STXBP5L: variants seen among roughly 807,000 people sequenced by gnomAD.
The protein encoded by STXBP5L is syntaxin binding protein 5L, also known as syntaxin-binding protein 5-like.
In STXBP5L, 65 loss-of-function variants were observed where a neutral mutation model predicts 144.5. The ratio of observed to expected loss-of-function variants is 0.45; its 90% CI spans 0.37 to 0.55. The LOEUF is 0.55. STXBP5L is among the 20% of genes least tolerant of loss of function. STXBP5L has a pLI of 0.00. For synonymous variants in STXBP5L, 505 were observed against 469.6 expected (o/e 1.08, Z -0.97); for missense variants, 1,298 against 1,405.5 (o/e 0.92, Z 1.22).
intron 7 of STXBP5L, among the ~76,000 whole-genome samples, chr3:121,146,123 A>T (rs9858962): frequency 0.099 from 15,063 of 151,972 alleles, 1,173 homozygotes; most frequent in Admixed American, 0.2. Context: ...TTTCCTACTT[A>T]GTCAGCTTAT....
chr3:121,206,021 G>GGAAA lies in STXBP5L; in HGVS notation c.956+23_956+26dup, dbSNP rs1391541308. 7.1e-7 allele frequency: 1 copy of GGAAA among 1,406,142 alleles called. No individual in the cohort carries two copies. The highest frequency in any genetic ancestry group is 1.5e-5 in the African/African-American group (1 of 67,044). The allele number at this position is 1,406,142 out of a possible 1,614,324, so 87.1% of individuals were successfully genotyped here. A position where few individuals can be genotyped will look rare whatever the true frequency, so the allele number is the denominator to read the frequency against. On this transcript the variant is annotated intron_variant, in intron 10 of 26. Transcript: ENST00000471454. ...AAACAGGTATGCATTTTTACTTTAG[G>GGAAA]GAAAGAGGGATACGAAGCAGAGACA...
chr3:121,388,188 GCTCTCTGTTTGT>G (rs2046477858), intron 22 of STXBP5L, among the ~76,000 whole-genome samples: 1 of 151,892 alleles, frequency 6.6e-6, no homozygotes. Flanking sequence ...TCATGATTTG[GCTCTCTGTTTGT>G]CTGTTATTGC....
At chr3:121,141,274 A>G (rs1011598502) in intron 7 of STXBP5L, among the ~76,000 whole-genome samples, 1 of 152,052 alleles carries the variant, frequency 6.6e-6, no homozygotes, top group African/African-American at 2.4e-5. Context: ...GTGGTTGCAC[A>G]TGCCTGTAAT....
intron 3 of STXBP5L, among the ~76,000 whole-genome samples, chr3:121,010,116 T>C (rs148134010): frequency 6.6e-6 from 1 of 152,062 alleles, no homozygotes; most frequent in Non-Finnish European, 1.5e-5. Flanking sequence ...AACTCAGACC[T>C]ATTAATTAAT....
intron 7 of STXBP5L, among the ~76,000 whole-genome samples, chr3:121,133,566 T>C (rs546710062): frequency 6.6e-6 from 1 of 152,266 alleles, no homozygotes; most frequent in Admixed American, 6.5e-5. Flanking sequence ...AGATAAAACC[T>C]TTCCCAGACA....
At chr3:120,980,085 AAAT>A (rs1941589492) in intron 3 of STXBP5L, among the ~76,000 whole-genome samples, 2 of 152,262 alleles carry the variant, frequency 1.3e-5, no homozygotes, top group Admixed American at 6.5e-5. Flanking sequence ...AGTCTGAAAA[AAAT>A]ACTTGATTTC....
Position 121,257,150 on chromosome 3 carries a change from A to AT in STXBP5L, c.1660-4dup, listed in dbSNP as rs150144558. ...GTGACTTAAATTAAATTTAAACTTG[A>AT]TTTTTTTAAGTCATTAGAGGTACGA... On this transcript the variant is annotated splice_polypyrimidine_tract_variant and intron_variant, in intron 16 of 26. Transcript: ENST00000471454. The AT allele has an allele frequency of 0.047, 74,410 of 1,572,602 alleles. 2,084 individuals carry two copies. Among genetic ancestry groups the AT allele is most frequent in the Middle Eastern group, 0.071 (414 of 5,858 alleles).
chr3:121,380,612 C>G (rs1323247048), intron 21 of STXBP5L, among the ~76,000 whole-genome samples: 1 of 151,510 alleles, frequency 6.6e-6, no homozygotes, highest in Non-Finnish European at 1.5e-5. Flanking sequence ...TTTAAGTGAG[C>G]TGAAGCACTC....
intron 2 of STXBP5L, among the ~76,000 whole-genome samples, chr3:120,954,297 A>G (rs1004661139): frequency 6.6e-6 from 1 of 152,264 alleles, no homozygotes; most frequent in East Asian, 1.9e-4. Flanking sequence ...ACTAATGTAT[A>G]TGCTTGTGTA....
chr3:121,324,896 T>C (rs2108544880), intron 20 of STXBP5L, among the ~76,000 whole-genome samples: 1 of 152,156 alleles, frequency 6.6e-6, no homozygotes, highest in Non-Finnish European at 1.5e-5. Context: ...GGGTCGCGGG[T>C]ACGGTCAATA....
chr3:120,973,198 C>G (rs1339880290), intron 3 of STXBP5L, among the ~76,000 whole-genome samples: 1 of 151,982 alleles, frequency 6.6e-6, no homozygotes, highest in Non-Finnish European at 1.5e-5. Context: ...TTGTCTGGTC[C>G]TAGGCTTTTA....
At chr3:121,175,481 T>C (rs1453962317) in intron 9 of STXBP5L, among the ~76,000 whole-genome samples, 1 of 152,122 alleles carries the variant, frequency 6.6e-6, no homozygotes, top group East Asian at 1.9e-4. Context: ...ACACACACAG[T>C]CTCAAGAGGC....
chr3:121,223,223 A>AT, intron 11 of STXBP5L, 66 bp downstream of exon 11: 1 of 1,488,756 alleles, frequency 6.7e-7, no homozygotes, highest in Non-Finnish European at 9.0e-7. Context: ...TTCTAACAAA[A>AT]TTAAGGTTAA....
At chr3:121,139,886 C>T (rs1277560552) in intron 7 of STXBP5L, among the ~76,000 whole-genome samples, 4 of 151,898 alleles carry the variant, frequency 2.6e-5, no homozygotes, top group Non-Finnish European at 5.9e-5. Flanking sequence ...AAAAGACCAC[C>T]TACAGAATGA....
intron 5 of STXBP5L, among the ~76,000 whole-genome samples, chr3:121,106,296 T>G (rs949483812): frequency 3.9e-5 from 6 of 152,222 alleles, no homozygotes; most frequent in Non-Finnish European, 8.8e-5. Context: ...CATCCAGGTT[T>G]GTTAACATAT....
intron 2 of STXBP5L, among the ~76,000 whole-genome samples, chr3:120,916,748 G>A (rs1709121919): frequency 6.6e-6 from 1 of 152,114 alleles, no homozygotes; most frequent in African/African-American, 2.4e-5. Context: ...AGAAAGTAAA[G>A]ATTGGAATTG....
chr3:121,176,244 C>CA (rs948475808), intron 9 of STXBP5L, among the ~76,000 whole-genome samples: 1 of 151,784 alleles, frequency 6.6e-6, no homozygotes, highest in African/African-American at 2.4e-5. Context: ...TAGCAGAATG[C>CA]ACACCATTTT....
intron 3 of STXBP5L, among the ~76,000 whole-genome samples, chr3:120,976,777 T>C (rs961015973): frequency 2.4e-4 from 37 of 152,198 alleles, no homozygotes; most frequent in African/African-American, 8.9e-4. Context: ...AGAACATCTT[T>C]ATTCCTGCCT....
intron 18 of STXBP5L, among the ~76,000 whole-genome samples, chr3:121,274,328 C>T (rs973837061): frequency 3.9e-5 from 6 of 152,212 alleles, no homozygotes; most frequent in African/African-American, 1.4e-4. Context: ...GCAGTTTAAT[C>T]AGCCGAAGTC....
Sources: allele counts gnomAD v4.1 joint callset (sites outside exome capture counted in the v4.1 genomes callset), GRCh38; gene constraint gnomAD v4.1.1; transcripts MANE v1.5; gene names NCBI Gene and HGNC (gene_info 2026-07-23, HGNC 2026-07-21).